Variants in CELF2 observed in about 807,000 individuals in gnomAD.
The protein encoded by CELF2 is CUGBP Elav-like family member 2, also known as CUG triplet repeat RNA-binding protein 2.
A neutral mutation model predicts 62.6 loss-of-function variants in CELF2; 8 were observed. The observed-to-expected ratio is 0.13, with a 90% CI of 0.07 to 0.23. The LOEUF is 0.23. CELF2 is among the 10% of genes least tolerant of loss of function. The pLI is 1.00. For synonymous variants in CELF2, 258 were observed against 250.0 expected, an observed-to-expected ratio of 1.03 and a Z score of -0.30; for missense variants, 333 against 671.0, an observed-to-expected ratio of 0.50 and a Z score of 5.56.
At chr10:11,007,536 G>T (rs1198371588) in intron 1 of CELF2, among the ~76,000 whole-genome samples, 2 of 152,094 alleles carry the variant, frequency 1.3e-5, no homozygotes, top group African/African-American at 4.8e-5. Flanking sequence ...TTAAGTTATC[G>T]GTTGTGAATA....
intron 1 of CELF2, among the ~76,000 whole-genome samples, chr10:10,907,548 T>C (rs1264923615): frequency 3.3e-5 from 5 of 152,238 alleles, no homozygotes. Flanking sequence ...ATGCAGACAG[T>C]GCACCCACAC....
intron 8 of CELF2, among the ~76,000 whole-genome samples, chr10:11,284,027 T>C (rs71491571): frequency 8.7e-5 from 1 of 11,492 alleles, no homozygotes; most frequent in Non-Finnish European, 1.9e-4. Context: ...GGGTGGATGA[T>C]GGATGAGTGT....
At chr10:10,595,849 T>C in the CELF2 span, among the ~76,000 whole-genome samples, 36,833 of 151,842 alleles carry the variant, frequency 0.24, 4,983 homozygotes, top group South Asian at 0.51. Context: ...TGAGGTGAGA[T>C]GGCGCCACTG....
the CELF2 span, among the ~76,000 whole-genome samples, chr10:10,508,207 G>A: frequency 2.0e-5 from 3 of 151,974 alleles, no homozygotes; most frequent in African/African-American, 7.3e-5. Context: ...GCAATAGGCA[G>A]TCAAATTGTG....
rs1385674887 is a variant in CELF2, at chr10:10,995,717, C to T, written c.89+75718C>T. Among the ~76,000 whole-genome samples, 1 of 152,070 alleles carries T rather than the reference C, an allele frequency of 6.6e-6. No homozygotes were observed. The highest frequency in any genetic ancestry group is 2.4e-5 in the African/African-American group (1 of 41,394). On this transcript the variant is annotated intron_variant, in intron 2 of 13. Transcript: ENST00000636488. This position sits in a 1 kb window ranked among gnomAD's most constrained non-coding sequence, Gnocchi z 4.7. ...AAATAACTCTGGCTGAAATGTGTAG[C>T]ATGGATCAGAGCCAGAGAGACTAGG...
At chr10:11,176,966 C>T (rs1248669885) in intron 2 of CELF2, among the ~76,000 whole-genome samples, 5 of 152,286 alleles carry the variant, frequency 3.3e-5, no homozygotes, top group African/African-American at 1.2e-4. Flanking sequence ...AAGCATCCTG[C>T]GCTAACCATT....
chr10:10,747,292 C>A, the CELF2 span, among the ~76,000 whole-genome samples: 1 of 152,136 alleles, frequency 6.6e-6, no homozygotes, highest in Admixed American at 6.5e-5. Flanking sequence ...TGCCAAGAAG[C>A]CTTGTCCTAG....
At chr10:10,827,484 T>A (rs1260839424) in intron 1 of CELF2, among the ~76,000 whole-genome samples, 2 of 152,162 alleles carry the variant, frequency 1.3e-5, no homozygotes, top group Non-Finnish European at 2.9e-5. Context: ...AAAAAAGAGT[T>A]TAAAGACATA....
the CELF2 span, among the ~76,000 whole-genome samples, chr10:10,500,654 T>G: frequency 6.6e-6 from 1 of 152,188 alleles, no homozygotes; most frequent in Non-Finnish European, 1.5e-5. Context: ...AGGTATGTCT[T>G]TCTCAGCAGC....
intron 1 of CELF2, among the ~76,000 whole-genome samples, chr10:11,087,085 C>A (rs764019882): frequency 1.8e-4 from 28 of 152,164 alleles, no homozygotes; most frequent in Non-Finnish European, 4.0e-4. Flanking sequence ...TTTGGGAAGA[C>A]TGCTCCCCAA....
the CELF2 span, among the ~76,000 whole-genome samples, chr10:10,754,777 T>C: frequency 6.6e-6 from 1 of 152,222 alleles, no homozygotes. Flanking sequence ...CTACGTGTTC[T>C]CTGAAGCCCA....
intron 1 of CELF2, among the ~76,000 whole-genome samples, chr10:10,905,966 G>A (rs1267739181): frequency 1.3e-5 from 2 of 152,106 alleles, no homozygotes; most frequent in African/African-American, 4.8e-5. Flanking sequence ...AGCTATCAGG[G>A]CACCTGAGGC....
At chr10:11,143,181 C>A (rs933277010) in intron 1 of CELF2, among the ~76,000 whole-genome samples, 1 of 152,212 alleles carries the variant, frequency 6.6e-6, no homozygotes, top group African/African-American at 2.4e-5. Flanking sequence ...TTTTCCATTC[C>A]ATATCTCTTG....
chr10:11,258,521 C>T (rs1302920717), intron 5 of CELF2, among the ~76,000 whole-genome samples: 8 of 152,264 alleles, frequency 5.3e-5, no homozygotes, highest in Admixed American at 6.5e-5. Flanking sequence ...AGAGCCTTGA[C>T]GATAAGCTGG....
the CELF2 span, among the ~76,000 whole-genome samples, chr10:10,698,189 A>T: frequency 5.8e-4 from 88 of 152,332 alleles, no homozygotes; most frequent in African/African-American, 1.9e-3. Flanking sequence ...GTTGTCCAAT[A>T]TGACAGTAAA....
intron 1 of CELF2, among the ~76,000 whole-genome samples, chr10:11,028,718 CTTTTTT>C (rs71378776): frequency 6.4e-5 from 8 of 125,180 alleles, no homozygotes; most frequent in Non-Finnish European, 1.3e-4. Flanking sequence ...CGCACCCAGC[CTTTTTT>C]TTTTTTTTTT....
chr10:10,629,485 T>G, the CELF2 span, among the ~76,000 whole-genome samples: 1 of 152,140 alleles, frequency 6.6e-6, no homozygotes. Flanking sequence ...TGCAAACTAT[T>G]TTTAACCTCT....
chr10:10,797,040 AT>A, upstream of CELF2: 1 of 258,484 alleles, frequency 3.9e-6, no homozygotes, highest in Non-Finnish European at 6.1e-6. Flanking sequence ...ATATGTTAAG[AT>A]CCACGGGTCC....
intron 1 of CELF2, among the ~76,000 whole-genome samples, chr10:10,818,054 A>C (rs553969338): frequency 6.6e-6 from 1 of 152,332 alleles, no homozygotes; most frequent in Admixed American, 6.5e-5. Flanking sequence ...TGTTGCCGCT[A>C]ATATCACTTG....
Sources: gnomAD v4.1 joint callset for allele counts (sites outside exome capture counted in the v4.1 genomes callset) on GRCh38, gnomAD v4.1.1 for gene constraint, Gnocchi (gnomAD v3.1) non-coding constraint, MANE v1.5 for transcripts, NCBI Gene and HGNC (gene_info 2026-07-23, HGNC 2026-07-21) for gene names.